ZHX2: variants seen among roughly 807,000 people sequenced by gnomAD.
ZHX2 encodes zinc fingers and homeoboxes 2.
A neutral mutation model predicts 21.9 loss-of-function variants in ZHX2; 6 were observed. The observed-to-expected ratio is 0.27, with a 90% CI of 0.15 to 0.54. The LOEUF is 0.54. Among genes scored for constraint, ZHX2 ranks in the 20% least tolerant of loss-of-function variants. The pLI, the probability that ZHX2 is intolerant of heterozygous loss-of-function variation, is 0.95. For missense variants in ZHX2, 908 were observed against 1,090.7 expected, an observed-to-expected ratio of 0.83 and a Z score of 2.36; for synonymous variants, 434 against 437.1, an observed-to-expected ratio of 0.99 and a Z score of 0.09.
chr8:122,842,359 C>A (rs1359031164), intron 1 of ZHX2, among the ~76,000 whole-genome samples: 1 of 152,236 alleles, frequency 6.6e-6, no homozygotes, highest in Non-Finnish European at 1.5e-5. Flanking sequence ...GGAGCAAATT[C>A]TCCCAACAAA....
Position 122,953,633 on chromosome 8 carries a change from T to C in ZHX2, c.2123T>C (p.Val708Ala), listed in dbSNP as rs769634465. 2.5e-6 allele frequency: 4 copies of C among 1,614,138 alleles called. No individual in the cohort carries two copies. In the South Asian group the frequency reaches 3.3e-5, roughly 13 times the overall value. The change falls in exon 3 of 4, where the codon GTA (valine) becomes GCA (alanine). Residue 708 changes from valine to alanine, a missense_variant. By Grantham distance (64) the Val-to-Ala change is moderately conservative. This residue lies in a region of ZHX2 where 431 missense variants were observed against 428.6 expected (regional missense o/e 1.01). Transcript: ENST00000314393. The surrounding 1 kb of genome is among the most constrained non-coding windows in gnomAD (Gnocchi z 4.6). ...PMADDHGYDA[V>A]ARKATKPMAE... ...GCAGATGATCACGGCTACGATGCCGTAGCAAGGAAAGCAACAAAACCCATG... is the reference window on the plus strand; with the variant it reads ...GCAGATGATCACGGCTACGATGCCGCAGCAAGGAAAGCAACAAAACCCATG...
At chr8:122,821,762 T>C (rs1196271685) in intron 1 of ZHX2, among the ~76,000 whole-genome samples, 1 of 152,066 alleles carries the variant, frequency 6.6e-6, no homozygotes, top group African/African-American at 2.4e-5. Context: ...TGGAGTGCGG[T>C]GGCGCGATCT....
At chr8:122,833,779 G>A (rs866701351) in intron 1 of ZHX2, among the ~76,000 whole-genome samples, 2 of 152,110 alleles carry the variant, frequency 1.3e-5, no homozygotes, top group Non-Finnish European at 2.9e-5. Flanking sequence ...GGTGGATCAC[G>A]AGGTCAGGAG....
At chr8:122,840,917 T>C (rs1384973473) in intron 1 of ZHX2, among the ~76,000 whole-genome samples, 6 of 152,182 alleles carry the variant, frequency 3.9e-5, no homozygotes, top group African/African-American at 1.2e-4. Flanking sequence ...AGCCCGAATC[T>C]CCTGTTCACC....
intron 1 of ZHX2, among the ~76,000 whole-genome samples, chr8:122,810,172 C>T (rs941634201): frequency 1.3e-5 from 2 of 152,218 alleles, no homozygotes; most frequent in African/African-American, 4.8e-5. Flanking sequence ...GCCCTAGAGG[C>T]CGTCCAGTGT....
intron 1 of ZHX2, among the ~76,000 whole-genome samples, chr8:122,844,820 A>G (rs1448024901): frequency 6.6e-6 from 1 of 152,002 alleles, no homozygotes; most frequent in African/African-American, 2.4e-5. Context: ...AGAGAATCAC[A>G]CTCTTTTGCA....
At chr8:122,849,488 A>G (rs1241079376) in intron 1 of ZHX2, among the ~76,000 whole-genome samples, 4 of 152,136 alleles carry the variant, frequency 2.6e-5, no homozygotes, top group African/African-American at 4.8e-5. Flanking sequence ...GCAAAGCCCT[A>G]TTCCCTCTGA....
intron 3 of ZHX2, among the ~76,000 whole-genome samples, chr8:122,970,093 G>T (rs1813681392): frequency 6.6e-6 from 1 of 152,118 alleles, no homozygotes; most frequent in South Asian, 2.1e-4. Flanking sequence ...GGAAATGCCT[G>T]TCCGATGGCC....
intron 2 of ZHX2, among the ~76,000 whole-genome samples, chr8:122,942,870 T>C (rs2130221501): frequency 6.6e-6 from 1 of 152,304 alleles, no homozygotes; most frequent in Admixed American, 6.5e-5. Context: ...GAACAAAGGA[T>C]GCAGAGGAGA....
intron 1 of ZHX2, among the ~76,000 whole-genome samples, chr8:122,854,153 G>A (rs1818972586): frequency 6.6e-6 from 1 of 152,184 alleles, no homozygotes; most frequent in Admixed American, 6.5e-5. Flanking sequence ...AGCATGCCTG[G>A]TGTCTCCTGG....
At chr8:122,960,209 T>A (rs1326333191) in intron 3 of ZHX2, among the ~76,000 whole-genome samples, 3 of 152,146 alleles carry the variant, frequency 2.0e-5, no homozygotes, top group African/African-American at 7.2e-5. Flanking sequence ...TTTGAGGGTT[T>A]AAATAGCAGA....
intron 2 of ZHX2, among the ~76,000 whole-genome samples, chr8:122,897,807 G>T (rs901363089): frequency 2.6e-5 from 4 of 152,130 alleles, no homozygotes; most frequent in Non-Finnish European, 4.4e-5. Flanking sequence ...TTGGAAGTGG[G>T]GCTAAGAGGG....
intron 1 of ZHX2, among the ~76,000 whole-genome samples, chr8:122,850,642 A>G (rs1818870369): frequency 1.3e-5 from 1 of 76,642 alleles, no homozygotes; most frequent in Non-Finnish European, 3.1e-5. Context: ...TCTGTCTCAA[A>G]AAAAAAAAAA....
At chr8:122,868,055 G>A (rs1790580622) in intron 2 of ZHX2, among the ~76,000 whole-genome samples, 1 of 152,128 alleles carries the variant, frequency 6.6e-6, no homozygotes, top group South Asian at 2.1e-4. Context: ...ACATGCATGT[G>A]GACGAATGTC....
chr8:122,796,961 AGGCAG>A (rs1817624536), intron 1 of ZHX2, among the ~76,000 whole-genome samples: 2 of 152,166 alleles, frequency 1.3e-5, no homozygotes, highest in Non-Finnish European at 2.9e-5. Context: ...TCCTCCCATC[AGGCAG>A]ATGCAGGCCG....
chr8:122,817,384 G>A (rs1264475390), intron 1 of ZHX2, among the ~76,000 whole-genome samples: 1 of 152,164 alleles, frequency 6.6e-6, no homozygotes, highest in Admixed American at 6.5e-5. Context: ...ATCAGTTGCC[G>A]TATGAGGCAC....
chr8:122,871,517 G>A (rs1481988476), intron 2 of ZHX2, among the ~76,000 whole-genome samples: 8 of 127,110 alleles, frequency 6.3e-5, no homozygotes, highest in South Asian at 2.8e-4. Context: ...ATCACACACC[G>A]GGGCCTGTTG....
At chr8:122,868,572 G>A (rs994692022) in intron 2 of ZHX2, among the ~76,000 whole-genome samples, 2 of 151,958 alleles carry the variant, frequency 1.3e-5, no homozygotes, top group African/African-American at 2.4e-5. Flanking sequence ...ATGGTGGCAG[G>A]CACCTGTAGT....
intron 2 of ZHX2, among the ~76,000 whole-genome samples, chr8:122,946,611 T>C (rs1812982960): frequency 6.6e-6 from 1 of 152,108 alleles, no homozygotes; most frequent in Admixed American, 6.5e-5. Context: ...ATGGGAAGTT[T>C]CGGTAAAAAA....
Sources: allele counts gnomAD v4.1 joint callset (sites outside exome capture counted in the v4.1 genomes callset), GRCh38; gene constraint gnomAD v4.1.1; regional missense constraint gnomAD v4.1.1; non-coding constraint Gnocchi (gnomAD v3.1); transcripts MANE v1.5; gene names NCBI Gene and HGNC (gene_info 2026-07-23, HGNC 2026-07-21).